Variants in SLC71A2 observed in about 807,000 individuals in gnomAD.
SLC71A2 encodes solute carrier family 71 member 2.
chr9:94,421,235 A>C, the SLC71A2 span, among the ~76,000 whole-genome samples: 1 of 151,974 alleles, frequency 6.6e-6, no homozygotes, highest in South Asian at 2.1e-4. Context: ...TTTTTGTGTA[A>C]GCTTTTAATG....
the SLC71A2 span, among the ~76,000 whole-genome samples, chr9:94,434,070 G>A: frequency 6.6e-6 from 1 of 152,096 alleles, no homozygotes; most frequent in South Asian, 2.1e-4. Flanking sequence ...GAAACCTTTT[G>A]TTGCTGTTGT....
the SLC71A2 span, among the ~76,000 whole-genome samples, chr9:94,443,507 C>T: frequency 6.6e-6 from 1 of 151,324 alleles, no homozygotes; most frequent in Non-Finnish European, 1.5e-5. Context: ...AGGGCTACGG[C>T]AATGATTAGT....
At chr9:94,430,166 G>A in the SLC71A2 span, among the ~76,000 whole-genome samples, 2 of 149,878 alleles carry the variant, frequency 1.3e-5, no homozygotes, top group Non-Finnish European at 3.0e-5. Flanking sequence ...GCCTCCCAAA[G>A]TGCTGGGATT....
At chr9:94,389,203 A>G in the SLC71A2 span, among the ~76,000 whole-genome samples, 40 of 150,930 alleles carry the variant, frequency 2.7e-4, no homozygotes, top group South Asian at 8.2e-3. Flanking sequence ...TTTCCATATT[A>G]TGTGTGCTCT....
chr9:94,394,920 T>G, the SLC71A2 span, among the ~76,000 whole-genome samples: 3 of 85,518 alleles, frequency 3.5e-5, no homozygotes, highest in Non-Finnish European at 7.7e-5. Flanking sequence ...TTTTTGTTTT[T>G]TTTTTTTTTT....
the SLC71A2 span, among the ~76,000 whole-genome samples, chr9:94,457,451 G>A: frequency 8.6e-6 from 1 of 116,224 alleles, no homozygotes; most frequent in Non-Finnish European, 1.8e-5. Flanking sequence ...TTTATTCATT[G>A]CATTTTTTTT....
At chr9:94,445,734 C>G in the SLC71A2 span, among the ~76,000 whole-genome samples, 2 of 152,074 alleles carry the variant, frequency 1.3e-5, no homozygotes, top group Non-Finnish European at 2.9e-5. Context: ...CTCTCACCTT[C>G]TCTCTACCCT....
chr9:94,385,170 C>G, the SLC71A2 span, among the ~76,000 whole-genome samples: 4 of 152,160 alleles, frequency 2.6e-5, no homozygotes, highest in Non-Finnish European at 4.4e-5. Flanking sequence ...CAAATTTTCT[C>G]CCATTCCATA....
the SLC71A2 span, among the ~76,000 whole-genome samples, chr9:94,407,869 G>A: frequency 2.0e-5 from 3 of 152,290 alleles, no homozygotes; most frequent in East Asian, 1.9e-4. Flanking sequence ...CACATTCTGA[G>A]TAGTGTGATG....
the SLC71A2 span, among the ~76,000 whole-genome samples, chr9:94,417,105 A>G: frequency 5.3e-5 from 8 of 152,260 alleles, no homozygotes; most frequent in East Asian, 1.5e-3. Context: ...TGCTTAATAA[A>G]TATATTCTTT....
the SLC71A2 span, among the ~76,000 whole-genome samples, chr9:94,450,849 G>A: frequency 7.2e-5 from 11 of 152,122 alleles, no homozygotes; most frequent in East Asian, 9.7e-4. Flanking sequence ...TAGACATTTC[G>A]GAGATACTGT....
At chr9:94,399,960 C>A in the SLC71A2 span, among the ~76,000 whole-genome samples, 3 of 152,028 alleles carry the variant, frequency 2.0e-5, no homozygotes, top group African/African-American at 7.2e-5. Flanking sequence ...CGTGTGCCAC[C>A]ACGGTGGCCT....
the SLC71A2 span, chr9:94,441,213 CTG>C: frequency 2.0e-6 from 1 of 488,662 alleles, no homozygotes. Flanking sequence ...AAAGAAATAT[CTG>C]AGACTGGGTA....
the SLC71A2 span, among the ~76,000 whole-genome samples, chr9:94,413,989 G>T: frequency 1.3e-5 from 2 of 152,082 alleles, no homozygotes; most frequent in Non-Finnish European, 2.9e-5. Flanking sequence ...TTGATCTTTG[G>T]CAATCTAGGT....
the SLC71A2 span, among the ~76,000 whole-genome samples, chr9:94,424,062 A>G: frequency 6.6e-6 from 1 of 152,114 alleles, no homozygotes; most frequent in Non-Finnish European, 1.5e-5. Context: ...ATATAGTTGA[A>G]CCAGCATCAT....
At chr9:94,434,101 TAAAAG>T in the SLC71A2 span, among the ~76,000 whole-genome samples, 1 of 152,224 alleles carries the variant, frequency 6.6e-6, no homozygotes, top group East Asian at 1.9e-4. Flanking sequence ...TCTACAAATA[TAAAAG>T]AAAAAATTGT....
At chr9:94,459,151 C>T in the SLC71A2 span, 17 of 1,609,898 alleles carry the variant, frequency 1.1e-5, no homozygotes, top group Middle Eastern at 1.7e-4. Flanking sequence ...TTGTTTTCCA[C>T]GTTCAACAGG....
At chr9:94,379,973 A>AT in the SLC71A2 span, among the ~76,000 whole-genome samples, 1 of 152,118 alleles carries the variant, frequency 6.6e-6, no homozygotes, top group Non-Finnish European at 1.5e-5. Context: ...CATTTTTGAA[A>AT]TTTCTCAGTT....
the SLC71A2 span, among the ~76,000 whole-genome samples, chr9:94,420,771 C>T: frequency 6.6e-6 from 1 of 151,758 alleles, no homozygotes; most frequent in Non-Finnish European, 1.5e-5. Flanking sequence ...TGGTGGCATG[C>T]GCCTGTAGTC....
Sources: gnomAD v4.1 joint callset for allele counts (sites outside exome capture counted in the v4.1 genomes callset) on GRCh38, gnomAD v4.1.1 for gene constraint, MANE v1.5 for transcripts, NCBI Gene and HGNC (gene_info 2026-07-23, HGNC 2026-07-21) for gene names.